The following PACRG variants were observed in gnomAD, a reference collection of about 807,000 sequenced individuals.
PACRG encodes parkin coregulated, also known as parkin coregulated gene protein.
In PACRG, 29 loss-of-function variants were observed where a neutral mutation model predicts 29.7. The ratio of observed to expected loss-of-function variants is 0.98; its 90% CI spans 0.73 to 1.33. The LOEUF is 1.33. Among genes scored for constraint, PACRG ranks in the 40% most tolerant of loss-of-function variants. PACRG has a pLI of 0.00. For synonymous variants in PACRG, 116 were observed against 118.7 expected, an observed-to-expected ratio of 0.98 and a Z score of 0.15; for missense variants, 279 against 316.2, an observed-to-expected ratio of 0.88 and a Z score of 0.89.
intron 2 of PACRG, among the ~76,000 whole-genome samples, chr6:163,018,461 G>A (rs561503493): frequency 3.3e-4 from 50 of 152,198 alleles, no homozygotes; most frequent in Non-Finnish European, 6.5e-4. Flanking sequence ...TTGTTAAGTT[G>A]TTTCTTAACA....
intron 2 of PACRG, among the ~76,000 whole-genome samples, chr6:162,954,633 A>T (rs1002477910): frequency 9.2e-5 from 14 of 152,176 alleles, no homozygotes; most frequent in Non-Finnish European, 2.1e-4. Context: ...CCTTATTAGC[A>T]TTCATTCATT....
chr6:163,209,318 C>T lies in PACRG; in HGVS notation c.614-105509C>T, dbSNP rs550780484. Among the ~76,000 whole-genome samples the T allele has an allele frequency of 1.6e-4, 25 of 152,234 alleles. No individual in the cohort carries two copies. In the East Asian group the frequency reaches 3.3e-3, roughly 20 times the overall value. ...TCTAAGCAGTATTAATGTGGCAGTC[C>T]GCCTCAGCATGAAAGTGGAGCTTTG... On this transcript the variant is annotated intron_variant, in intron 4 of 4. Transcript: ENST00000366888.
chr6:162,934,195 G>A lies in PACRG; in HGVS notation c.291+119914G>A, dbSNP rs548321037. Among the ~76,000 whole-genome samples the A allele has an allele frequency of 1.1e-3, 174 of 152,002 alleles. 1 individual carries two copies. The highest frequency in any genetic ancestry group is 3.8e-3 in the African/African-American group (156 of 41,412). ...AGGAGAATTGCTTGAGCTGGGAGGC[G>A]GAGGTTGCAGTGAGCCGAGATCATG... On this transcript the variant is annotated intron_variant, in intron 2 of 4. Transcript: ENST00000366888.
At position 162,981,572 on chromosome 6, in the gene PACRG, A is replaced by G. The variant is rs944308105; in HGVS notation, c.292-80578A>G. Among the ~76,000 whole-genome samples, 7 of 152,028 alleles carry G rather than the reference A, an allele frequency of 4.6e-5. No individual in the cohort carries two copies. The South Asian group carries it at 1.4e-3, about 31-fold the overall frequency. ...TAGGATTTTTTTTCTAGTTCTGTAAAGAAAGATGGTGGTATTTTGATGGGA... is the reference window on the plus strand; with the variant it reads ...TAGGATTTTTTTTCTAGTTCTGTAAGGAAAGATGGTGGTATTTTGATGGGA... On this transcript the variant is annotated intron_variant, in intron 2 of 4. Transcript: ENST00000366888.
intron 4 of PACRG, among the ~76,000 whole-genome samples, chr6:163,219,014 G>T (rs1017897805): frequency 5.3e-5 from 8 of 152,220 alleles, no homozygotes; most frequent in African/African-American, 1.9e-4. Context: ...TGCCTGTTCT[G>T]TCCAGCAACC....
intron 2 of PACRG, among the ~76,000 whole-genome samples, chr6:162,942,606 G>A (rs1291043989): frequency 1.3e-5 from 2 of 151,980 alleles, no homozygotes; most frequent in South Asian, 2.1e-4. Context: ...GGAACTGGAC[G>A]GAAACTCTTC....
rs747129751 is a variant in PACRG, at chr6:162,949,294, TA to T, written c.292-112850del. 5.9e-5 allele frequency among the ~76,000 whole-genome samples: 9 copies of T among 152,188 alleles called. No individual in the cohort carries two copies. In the South Asian group the frequency reaches 1.5e-3, roughly 25 times the overall value. Reference sequence around the variant, plus strand: ...ATGTTCTCCCTCATATGTGGGAGCTTAAAAAATGTTGGTTTTATGGAGGTAA... The same window carrying T: ...ATGTTCTCCCTCATATGTGGGAGCTTAAAAATGTTGGTTTTATGGAGGTAA... On this transcript the variant is annotated intron_variant, in intron 2 of 4. Coordinates refer to ENST00000366888, the MANE Select transcript of PACRG (RefSeq NM_001080379.2).
At chr6:162,779,180 C>T (rs1783893211) in intron 1 of PACRG, among the ~76,000 whole-genome samples, 1 of 152,190 alleles carries the variant, frequency 6.6e-6, no homozygotes, top group Non-Finnish European at 1.5e-5. Context: ...CAACTTCCAG[C>T]TCCATCCGTT....
chr6:163,150,387 C>T (rs531209574), intron 4 of PACRG, among the ~76,000 whole-genome samples: 74 of 152,312 alleles, frequency 4.9e-4, no homozygotes, highest in African/African-American at 1.4e-3. Flanking sequence ...TCTAATCCTC[C>T]TCTACAGGCT....
chr6:163,049,293 A>C (rs1348522700), intron 2 of PACRG, among the ~76,000 whole-genome samples: 1 of 152,128 alleles, frequency 6.6e-6, no homozygotes, highest in Non-Finnish European at 1.5e-5. Context: ...ATGACCTAAA[A>C]ACAATCCACA....
intron 4 of PACRG, among the ~76,000 whole-genome samples, chr6:163,288,650 GC>G (rs1398062945): frequency 6.6e-6 from 1 of 152,134 alleles, no homozygotes; most frequent in Non-Finnish European, 1.5e-5. Flanking sequence ...TGAAGTTTCA[GC>G]ATAAAATGTG....
chr6:163,106,506 T>A (rs1009991343), intron 4 of PACRG, among the ~76,000 whole-genome samples: 1 of 152,272 alleles, frequency 6.6e-6, no homozygotes, highest in African/African-American at 2.4e-5. Context: ...TATTCTTGGA[T>A]GAAAAGTAAA....
chr6:162,798,148 T>G (rs1161104048), intron 1 of PACRG, among the ~76,000 whole-genome samples: 1 of 152,220 alleles, frequency 6.6e-6, no homozygotes, highest in Non-Finnish European at 1.5e-5. Flanking sequence ...TTATTTAAAG[T>G]GGGCTTCTGG....
At chr6:163,216,846 G>T (rs1000344223) in intron 4 of PACRG, among the ~76,000 whole-genome samples, 2 of 152,064 alleles carry the variant, frequency 1.3e-5, no homozygotes, top group Middle Eastern at 3.2e-3. Context: ...ATTATTTAAG[G>T]TTCTGCTGTC....
intron 4 of PACRG, among the ~76,000 whole-genome samples, chr6:163,180,286 G>A (rs1349919797): frequency 6.6e-6 from 1 of 152,192 alleles, no homozygotes; most frequent in Non-Finnish European, 1.5e-5. Context: ...AAGATGAACA[G>A]TTCTCTCCAT....
chr6:162,749,810 G>A (rs145431473), intron 1 of PACRG, among the ~76,000 whole-genome samples: 180 of 152,192 alleles, frequency 1.2e-3, no homozygotes, highest in African/African-American at 4.2e-3. Flanking sequence ...GTGAGCCACC[G>A]CACCCAGCCA....
chr6:162,928,475 T>A (rs1246221065), intron 2 of PACRG, among the ~76,000 whole-genome samples: 1 of 152,058 alleles, frequency 6.6e-6, no homozygotes. Context: ...ATTTTTAAAT[T>A]TTTTGTATTG....
intron 2 of PACRG, among the ~76,000 whole-genome samples, chr6:162,823,472 T>A (rs1447034612): frequency 1.3e-5 from 2 of 152,088 alleles, no homozygotes; most frequent in East Asian, 3.9e-4. Context: ...TATTTTTATC[T>A]CTTTATCCTT....
intron 4 of PACRG, among the ~76,000 whole-genome samples, chr6:163,152,467 T>A (rs1778137151): frequency 6.6e-6 from 1 of 152,212 alleles, no homozygotes; most frequent in Non-Finnish European, 1.5e-5. Context: ...CTCCCTTGAC[T>A]AATTTAACAC....
Sources: allele counts gnomAD v4.1 joint callset (sites outside exome capture counted in the v4.1 genomes callset), GRCh38; gene constraint gnomAD v4.1.1; transcripts MANE v1.5; gene names NCBI Gene and HGNC (gene_info 2026-07-23, HGNC 2026-07-21).